The following TNRC6A variants were observed in gnomAD, a reference collection of about 807,000 sequenced individuals.
TNRC6A encodes the protein trinucleotide repeat containing adaptor 6A, also known as trinucleotide repeat-containing gene 6A protein.
In TNRC6A, 44 loss-of-function variants were observed where a neutral mutation model predicts 221.2. The observed-to-expected ratio is 0.20, with a 90% CI of 0.16 to 0.26. The LOEUF is 0.26. TNRC6A is among the 10% of genes least tolerant of loss of function. The probability of loss-of-function intolerance (pLI) is 1.00; values close to 1 mark genes in which losing one functional copy is unlikely to be tolerated. For missense variants in TNRC6A, 2,199 were observed against 2,404.4 expected, an observed-to-expected ratio of 0.91 and a Z score of 1.79; for synonymous variants, 847 against 838.5, an observed-to-expected ratio of 1.01 and a Z score of -0.18.
At chr16:24,620,669 G>A (rs1182273580) in intron 1 of TNRC6A, among the ~76,000 whole-genome samples, 4 of 152,094 alleles carry the variant, frequency 2.6e-5, no homozygotes, top group South Asian at 2.1e-4. Context: ...TTAGCCGGGC[G>A]TGTTGGCGTG....
chr16:24,730,412 A>C, intron 2 of TNRC6A, 112 bp downstream of exon 2: 2 of 1,291,962 alleles, frequency 1.5e-6, no homozygotes, highest in South Asian at 1.3e-5. Flanking sequence ...CCGCACCCGG[A>C]GAGCAGACAT....
At chr16:24,747,071 T>C (rs1044871937) in intron 2 of TNRC6A, among the ~76,000 whole-genome samples, 5 of 65,216 alleles carry the variant, frequency 7.7e-5, no homozygotes, top group African/African-American at 2.7e-4. Flanking sequence ...GCTTGATTTG[T>C]TGTGTGGAAT....
At position 24,634,545 on chromosome 16, in the gene TNRC6A, A is replaced by G. The variant is rs185473924; in HGVS notation, n.277-6339A>G. Among the ~76,000 whole-genome samples the G allele has an allele frequency of 1.6e-3, 241 of 152,306 alleles. 3 individuals carry two copies. The highest frequency in any genetic ancestry group is 4.7e-4 in the Non-Finnish European group (32 of 68,036). On this transcript the variant is annotated intron_variant and non_coding_transcript_variant, in intron 1 of 2. Transcript: ENST00000566108. Reference sequence around the variant, plus strand: ...CATTATCACTAGGACTATAAAAACGAATTGCTGAACCTAATACAAGAGTAT... The same window carrying G: ...CATTATCACTAGGACTATAAAAACGGATTGCTGAACCTAATACAAGAGTAT...
At chr16:24,811,989 G>A (rs1246799101) in intron 18 of TNRC6A, among the ~76,000 whole-genome samples, 6 of 124,676 alleles carry the variant, frequency 4.8e-5, no homozygotes, top group Admixed American at 1.8e-4. Context: ...TTCTAAGTTC[G>A]TTTGCCGTTC....
chr16:24,685,729 G>A (rs1216857106), intron 2 of TNRC6A, among the ~76,000 whole-genome samples: 1 of 152,142 alleles, frequency 6.6e-6, no homozygotes, highest in Non-Finnish European at 1.5e-5. Context: ...TGGTGCCCTT[G>A]GGCGAGTCAC....
chr16:24,778,207 C>G, intron 5 of TNRC6A: 2 of 779,670 alleles, frequency 2.6e-6, no homozygotes, highest in Non-Finnish European at 3.1e-6. Context: ...TGACCTTGGG[C>G]AGGTTACTTA....
chr16:24,754,964 A>G (rs935740998), intron 3 of TNRC6A, among the ~76,000 whole-genome samples: 1 of 152,172 alleles, frequency 6.6e-6, no homozygotes, highest in Non-Finnish European at 1.5e-5. Context: ...CTTTATTGCC[A>G]TTTTTGAGGA....
intron 17 of TNRC6A, 110 bp downstream of exon 17, chr16:24,806,894 CTT>C (rs1404562568): frequency 1.9e-6 from 2 of 1,037,330 alleles, no homozygotes; most frequent in African/African-American, 3.2e-5. Flanking sequence ...ACATTGATCT[CTT>C]AGCTGTTCCC....
chr16:24,798,112 G>A (rs2058258314), intron 11 of TNRC6A, 146 bp downstream of exon 11: 1 of 569,690 alleles, frequency 1.8e-6, no homozygotes, highest in Non-Finnish European at 3.0e-6. Context: ...TTAAATGAGT[G>A]CATGTGCCTT....
At chr16:24,658,097 T>C (rs929090198) in intron 2 of TNRC6A, among the ~76,000 whole-genome samples, 5 of 152,192 alleles carry the variant, frequency 3.3e-5, no homozygotes, top group Non-Finnish European at 7.3e-5. Flanking sequence ...CAGAATTGCT[T>C]ATTTCTTGGC....
chr16:24,712,917 G>GTGTGTA (rs1249191569), intron 2 of TNRC6A, among the ~76,000 whole-genome samples: 3,859 of 49,988 alleles, frequency 0.077, 207 homozygotes, highest in African/African-American at 0.16. Flanking sequence ...CTGTGTGTGT[G>GTGTGTA]TGTGTGTGTG....
chr16:24,820,497 C>T, intron 22 of TNRC6A, 137 bp downstream of exon 22: 1 of 746,100 alleles, frequency 1.3e-6, no homozygotes, highest in East Asian at 2.7e-5. Flanking sequence ...CTTCGGTAAA[C>T]AAATGATCCA....
At chr16:24,798,620 A>G (rs2058268085) in intron 11 of TNRC6A, among the ~76,000 whole-genome samples, 1 of 152,234 alleles carries the variant, frequency 6.6e-6, no homozygotes, top group African/African-American at 2.4e-5. Flanking sequence ...AATTATTTCA[A>G]AGCTCCAAAC....
rs1248301977 is a variant in TNRC6A at position 24,823,160 on chromosome 16, G to A, written c.5513+147G>A. ...CTGATTCCAAGGTCGGCATTCCTAA[G>A]CGGGGAATCAGACCTGGCTAGATGG... On this transcript the variant is annotated intron_variant, in intron 24 of 24. Transcript: ENST00000395799. The surrounding 1 kb of genome is among the most constrained non-coding windows in gnomAD (Gnocchi z 4.3). 2.4e-6 allele frequency: 3 copies of A among 1,230,310 alleles called. No individual in the cohort carries two copies. The African/African-American group carries it at 4.5e-5, about 18-fold the overall frequency. 76.2% of individuals were successfully genotyped at this position (1,230,310 alleles called of 1,614,324 possible).
intron 2 of TNRC6A, among the ~76,000 whole-genome samples, chr16:24,645,481 C>T (rs1450533093): frequency 6.6e-6 from 1 of 151,128 alleles, no homozygotes; most frequent in African/African-American, 2.4e-5. Context: ...CAGAGTGAGA[C>T]CCTGTCTCAA....
At position 24,822,834 on chromosome 16, in the gene TNRC6A, G is replaced by A. The variant is rs16974106; in HGVS notation, c.5374-40G>A. 2.7e-3 allele frequency: 4,280 copies of A among 1,611,454 alleles called. 97 individuals carry two copies. The African/African-American group carries it at 0.048, about 18-fold the overall frequency. ...TGAAACAGCCTCCTGGAGGGCCCGC[G>A]GTGACGCCTCTCACTGGCAGTTTCC... On this transcript the variant is annotated intron_variant, in intron 23 of 24. Transcript: ENST00000395799.
chr16:24,781,043 C>CTTTTTTTTTTTTTTT lies in TNRC6A; in HGVS notation c.589+3696_589+3710dup, dbSNP rs35502747. 1.2e-3 allele frequency among the ~76,000 whole-genome samples: 66 copies of CTTTTTTTTTTTTTTT among 53,428 alleles called. 10 individuals carry two copies. The highest frequency in any genetic ancestry group is 4.9e-3 in the African/African-American group (55 of 11,322). 35.1% of individuals were successfully genotyped at this position (53,428 alleles called of 152,430 possible). A position where few individuals can be genotyped will look rare whatever the true frequency, so the allele number is the denominator to read the frequency against. ...AAAAATTTTCTTAAGCCTCCATACTCTTTTTTTTTTTTTTTTTTTTTTTTT... is the reference window on the plus strand; with the variant it reads ...AAAAATTTTCTTAAGCCTCCATACTCTTTTTTTTTTTTTTTTTTTTTTTTTTTTTTTTTTTTTTTT... On this transcript the variant is annotated intron_variant, in intron 5 of 24. Transcript: ENST00000395799.
intron 1 of TNRC6A, among the ~76,000 whole-genome samples, chr16:24,624,467 C>CGTTTGTTT (rs3042537): frequency 0.031 from 4,614 of 151,244 alleles, 189 homozygotes; most frequent in African/African-American, 0.096. Context: ...TGCTAAGGAC[C>CGTTTGTTT]GTTTGTTTGT....
chr16:24,734,196 GA>G (rs113209421), intron 2 of TNRC6A, among the ~76,000 whole-genome samples: 7 of 151,546 alleles, frequency 4.6e-5, no homozygotes, highest in African/African-American at 7.3e-5. Context: ...AGAGAGAAAG[GA>G]AAAAAAAGAT....
Sources: allele counts gnomAD v4.1 joint callset (sites outside exome capture counted in the v4.1 genomes callset), GRCh38; gene constraint gnomAD v4.1.1; non-coding constraint Gnocchi (gnomAD v3.1); transcripts MANE v1.5; gene names NCBI Gene and HGNC (gene_info 2026-07-23, HGNC 2026-07-21).